The following SLC2A5 variants were observed in gnomAD, a reference collection of about 807,000 sequenced individuals.
The protein encoded by SLC2A5 is solute carrier family 2 member 5.
SLC2A5 carries 56 observed loss-of-function variants against 50.3 expected under a neutral mutation model. The ratio of observed to expected loss-of-function variants is 1.11; its 90% CI spans 0.90 to 1.39. The LOEUF is 1.39. Among genes scored for constraint, SLC2A5 ranks in the 40% most tolerant of loss-of-function variants. SLC2A5 has a pLI of 0.00. For synonymous variants in SLC2A5, 269 were observed against 281.9 expected (o/e 0.95, Z 0.46); for missense variants, 566 against 650.1 (o/e 0.87, Z 1.41).
intron 4 of SLC2A5, among the ~76,000 whole-genome samples, chr1:9,042,655 GGTGT>G (rs141485120): frequency 1.7e-4 from 23 of 136,814 alleles, no homozygotes; most frequent in South Asian, 7.1e-4. Flanking sequence ...GTGTGGCCTG[GGTGT>G]GTGTGTGTGT....
intron 4 of SLC2A5, among the ~76,000 whole-genome samples, chr1:9,042,426 C>T (rs1010718356): frequency 1.9e-4 from 27 of 145,682 alleles, no homozygotes; most frequent in African/African-American, 2.6e-4. Context: ...TGTGTGTGTG[C>T]GCGCGCATGA....
chr1:9,070,596 C>A (rs76687672), upstream of SLC2A5, among the ~76,000 whole-genome samples: 1 of 152,162 alleles, frequency 6.6e-6, no homozygotes, highest in African/African-American at 2.4e-5. Flanking sequence ...GGCACACCAG[C>A]GCAAGTGGCC....
intron 1 of SLC2A5, among the ~76,000 whole-genome samples, chr1:9,065,407 A>G (rs915474993): frequency 3.3e-5 from 5 of 152,226 alleles, no homozygotes; most frequent in Non-Finnish European, 5.9e-5. Context: ...TGTCAGAGAG[A>G]CATTCTCTCA....
chr1:9,047,621 C>A lies in SLC2A5; in HGVS notation c.407G>T (p.Gly136Val). 2 of 1,613,808 alleles carry A rather than the reference C, an allele frequency of 1.2e-6. No homozygotes were observed. The highest frequency in any genetic ancestry group is 1.1e-5 in the South Asian group (1 of 91,022). Residue 136 changes from glycine (G) to valine (V), a missense_variant, in exon 4 of 12, where the codon GGA becomes GTA. Physicochemically the swap from Gly to Val is moderately radical, Grantham distance 109 (BLOSUM62 -3). Coordinates refer to ENST00000377424, the MANE Select transcript of SLC2A5 (RefSeq NM_003039.3). The stretch of plus-strand genomic sequence containing the variant: ...ATAGCATTGTTTACCTGCACATATT[C>A]CCACCAAAAGTCTGGAAATAATGAT... Reference protein sequence around the residue: ...ELIIISRLLVGICAGVSSNVV... With the variant: ...ELIIISRLLVVICAGVSSNVV...
At chr1:9,043,267 C>T (rs1641350386) in intron 4 of SLC2A5, among the ~76,000 whole-genome samples, 1 of 152,136 alleles carries the variant, frequency 6.6e-6, no homozygotes, top group African/African-American at 2.4e-5. Flanking sequence ...TTTGATAGAA[C>T]TGAGATAGGA....
chr1:9,037,654 T>C lies in SLC2A5; in HGVS notation c.1438A>G (p.Lys480Glu), dbSNP rs140023397. The stretch of plus-strand genomic sequence containing the variant: ...TTTTCCGGGTACACTTCAGACACCT[T>C]ATTCATCTTGGTGAAAATCTGGTTG... ...EINQIFTKMN[K>E]VSEVYPEKEE... Residue 480 changes from lysine (K) to glutamate (E), a missense_variant, in exon 12 of 12, where the codon AAG becomes GAG. Physicochemically the swap from Lys to Glu is moderately conservative, Grantham distance 56 (BLOSUM62 1). Transcript: ENST00000377424. 3.7e-6 allele frequency: 6 copies of C among 1,614,080 alleles called. No individual in the cohort carries two copies. In the African/African-American group the frequency reaches 8.0e-5, roughly 22 times the overall value.
intron 2 of SLC2A5, chr1:9,085,006 T>A (rs1464892822): frequency 2.6e-5 from 4 of 152,656 alleles, no homozygotes; most frequent in African/African-American, 9.6e-5. Flanking sequence ...CAACCAGGAC[T>A]GACTTACCCC....
intron 3 of SLC2A5, 106 bp from the exon 4 acceptor site, chr1:9,047,840 C>T: frequency 8.3e-7 from 1 of 1,198,800 alleles, no homozygotes; most frequent in Non-Finnish European, 1.2e-6. Context: ...GTTACAGCAG[C>T]TTTACTGCTG....
intron 3 of SLC2A5, 82 bp downstream of exon 3, chr1:9,057,365 TA>T: frequency 1.2e-6 from 1 of 843,118 alleles, no homozygotes; most frequent in Non-Finnish European, 1.8e-6. Flanking sequence ...AGTCTCATGG[TA>T]AGGATTTCAG....
At chr1:9,091,312 C>T (rs568033973), upstream of SLC2A5, among the ~76,000 whole-genome samples, 1 of 152,276 alleles carries the variant, frequency 6.6e-6, no homozygotes, top group East Asian at 1.9e-4. Context: ...ACATAGTTCT[C>T]ATAATCAGGC....
intron 2 of SLC2A5, among the ~76,000 whole-genome samples, chr1:9,080,929 T>G (rs568097384): frequency 6.6e-6 from 1 of 152,048 alleles, no homozygotes; most frequent in South Asian, 2.1e-4. Context: ...TTATTTCAGG[T>G]TGCCAATAAC....
intron 5 of SLC2A5, chr1:9,041,513 C>T: frequency 7.5e-7 from 1 of 1,341,560 alleles, no homozygotes; most frequent in Non-Finnish European, 9.5e-7. Context: ...TGGACAGCTG[C>T]TGAGCAGGCA....
intron 1 of SLC2A5, among the ~76,000 whole-genome samples, chr1:9,086,113 C>A (rs1341685931): frequency 1.3e-5 from 2 of 152,124 alleles, no homozygotes; most frequent in African/African-American, 4.8e-5. Context: ...TCTTCATGAT[C>A]ACTTGGATAA....
At chr1:9,058,541 G>A (rs1641823169) in intron 1 of SLC2A5, among the ~76,000 whole-genome samples, 2 of 152,152 alleles carry the variant, frequency 1.3e-5, no homozygotes, top group South Asian at 2.1e-4. Context: ...CCCCAGCTGC[G>A]ACAACCCAAA....
rs532595397 is a variant in SLC2A5 at position 9,054,661 on chromosome 1, G to A, written c.293+2787C>T. Among the ~76,000 whole-genome samples the A allele has an allele frequency of 3.3e-5, 5 of 152,216 alleles. No homozygotes were observed. The East Asian group carries it at 5.8e-4, about 18-fold the overall frequency. ...TAGAAGAGGCTAGGCGTAGCGGTTCGTGCCTGTAATCCCAGCACTTTGGGA... is the reference window on the plus strand; with the variant it reads ...TAGAAGAGGCTAGGCGTAGCGGTTCATGCCTGTAATCCCAGCACTTTGGGA... On this transcript the variant is annotated intron_variant, in intron 3 of 11. Transcript: ENST00000377424.
chr1:9,084,897 G>A (rs1043523984), intron 2 of SLC2A5: 2 of 152,278 alleles, frequency 1.3e-5, no homozygotes, highest in Non-Finnish European at 2.9e-5. Context: ...CCACATCCCT[G>A]GTGGTTCAAG....
rs875996 is a variant in SLC2A5 at position 9,038,171 on chromosome 1, C to T, written c.1175-147G>A. ...TGTGGGGCAGCACGTAGGGGGCAAA[C>T]GGCAGTGTACAGGGATGGCAGGCCA... is the stretch of plus-strand genomic sequence containing the variant. On this transcript the variant is annotated intron_variant, in intron 10 of 11. Coordinates refer to ENST00000377424, the MANE Select transcript of SLC2A5 (RefSeq NM_003039.3). 0.17 allele frequency: 162,174 copies of T among 941,114 alleles called. 15,367 individuals carry two copies. Among genetic ancestry groups the T allele is most frequent in the Admixed American group, 0.24 (9,606 of 39,228 alleles). 58.3% of individuals were successfully genotyped at this position (941,114 alleles called of 1,614,324 possible). A position where few individuals can be genotyped will look rare whatever the true frequency, so the allele number is the denominator to read the frequency against.
At chr1:9,053,202 A>T (rs543199591) in intron 3 of SLC2A5, among the ~76,000 whole-genome samples, 915 of 68,330 alleles carry the variant, frequency 0.013, 10 homozygotes, top group Non-Finnish European at 0.02. Flanking sequence ...ATATTTATAT[A>T]TTATATTTAT....
At chr1:9,071,410 G>A (rs1642208506), upstream of SLC2A5, among the ~76,000 whole-genome samples, 1 of 151,964 alleles carries the variant, frequency 6.6e-6, no homozygotes, top group African/African-American at 2.4e-5. Flanking sequence ...ACTCATCTCC[G>A]TCCCCCATCC....
Sources: gnomAD v4.1 joint callset for allele counts (sites outside exome capture counted in the v4.1 genomes callset) on GRCh38, gnomAD v4.1.1 for gene constraint, MANE v1.5 for transcripts, NCBI Gene and HGNC (gene_info 2026-07-23, HGNC 2026-07-21) for gene names.